Variants in IQGAP1 observed in about 807,000 individuals in gnomAD.
IQGAP1 encodes ras GTPase-activating-like protein IQGAP1.
Under a neutral mutation model 215.6 loss-of-function variants are expected in IQGAP1, and 66 were observed. The ratio of observed to expected loss-of-function variants is 0.31; its 90% CI spans 0.25 to 0.38. IQGAP1 has a LOEUF of 0.38. Among genes scored for constraint, IQGAP1 ranks in the 10% least tolerant of loss-of-function variants. The pLI is 1.00. For synonymous variants in IQGAP1, 772 were observed against 728.7 expected (o/e 1.06, Z -0.96); for missense variants, 1,712 against 1,997.1 (o/e 0.86, Z 2.72).
At chr15:90,479,661 G>A (rs1182608713) in intron 26 of IQGAP1, among the ~76,000 whole-genome samples, 4 of 151,974 alleles carry the variant, frequency 2.6e-5, no homozygotes, top group African/African-American at 7.3e-5. Flanking sequence ...CAGGAGGATA[G>A]GTTGAGCATG....
chr15:90,420,762 C>T (rs754009553), intron 2 of IQGAP1, among the ~76,000 whole-genome samples: 1 of 152,176 alleles, frequency 6.6e-6, no homozygotes, highest in African/African-American at 2.4e-5. Context: ...TTCACTGTCG[C>T]CCAGGCTGGG....
intron 15 of IQGAP1, among the ~76,000 whole-genome samples, chr15:90,461,700 C>T (rs1212057146): frequency 6.6e-6 from 1 of 151,494 alleles, no homozygotes; most frequent in Non-Finnish European, 1.5e-5. Flanking sequence ...TGGTGTACAC[C>T]CCTGTAGTCC....
At chr15:90,399,110 C>T (rs1234690461) in intron 2 of IQGAP1, among the ~76,000 whole-genome samples, 1 of 151,570 alleles carries the variant, frequency 6.6e-6, no homozygotes, top group African/African-American at 2.4e-5. Context: ...CCCACTTCAC[C>T]TCACCTAACT....
intron 2 of IQGAP1, among the ~76,000 whole-genome samples, chr15:90,405,000 A>G (rs1185104588): frequency 6.6e-6 from 1 of 152,216 alleles, no homozygotes; most frequent in Non-Finnish European, 1.5e-5. Context: ...TCTTATCTAT[A>G]CTGAGATTAT....
In IQGAP1 at chr15:90,492,601, G is replaced by C. The variant is rs1028521679; in HGVS notation, c.4518G>C (p.Leu1506=). The C allele has an allele frequency of 1.9e-6, 3 of 1,613,920 alleles. No homozygotes were observed. In the African/African-American group the frequency reaches 4.0e-5, roughly 22 times the overall value. Residue 1506 remains leucine (L), a synonymous_variant, in exon 35 of 38, where the codon CTG becomes CTC. Coordinates refer to ENST00000268182, the MANE Select transcript of IQGAP1 (RefSeq NM_003870.4). ...RQRRKAELVK[L]QQTYAALNSK... ...GGAGAAAGGCCGAACTAGTGAAACT[G>C]CAACAGACATACGCTGCTCTGAACT...
At chr15:90,456,020 C>A (rs569406157) in intron 14 of IQGAP1, 132 bp from the exon 15 acceptor site, 3 of 675,574 alleles carry the variant, frequency 4.4e-6, no homozygotes, top group Admixed American at 2.9e-5. Flanking sequence ...TGCTGCTTAA[C>A]GGATGGTAAG....
chr15:90,419,660 G>A (rs2151011085), intron 2 of IQGAP1, among the ~76,000 whole-genome samples: 1 of 152,286 alleles, frequency 6.6e-6, no homozygotes, highest in East Asian at 1.9e-4. Flanking sequence ...TATCATGAAG[G>A]TATGTTGTGG....
chr15:90,425,481 CT>C (rs919620109), intron 2 of IQGAP1, among the ~76,000 whole-genome samples: 5 of 151,912 alleles, frequency 3.3e-5, no homozygotes, highest in Admixed American at 2.6e-4. Context: ...TTCTTTTTTT[CT>C]TTGTTTTATT....
At position 90,426,167 on chromosome 15, in the gene IQGAP1, G is replaced by T; in HGVS notation, c.213G>T (p.Gly71=). 1 of 1,603,900 alleles carries T rather than the reference G, an allele frequency of 6.2e-7. No homozygotes were observed. Among genetic ancestry groups the T allele is most frequent in the Non-Finnish European group, 8.5e-7 (1 of 1,176,184 alleles). Reference sequence around the variant, plus strand: ...CTCCCACCACAGAACTGGAGGAGGGGCTTAGGAATGGGGTCTACCTTGCCA... The same window carrying T: ...CTCCCACCACAGAACTGGAGGAGGGTCTTAGGAATGGGGTCTACCTTGCCA... ...DLPPTTELEE[G]LRNGVYLAKL... Residue 71 remains glycine (G), a synonymous_variant, in exon 3 of 38, where the codon GGG becomes GGT. Coordinates refer to ENST00000268182, the MANE Select transcript of IQGAP1 (RefSeq NM_003870.4).
intron 5 of IQGAP1, 47 bp from the exon 6 acceptor site, chr15:90,439,285 C>G (rs1455859783): frequency 6.7e-7 from 1 of 1,487,928 alleles, no homozygotes; most frequent in East Asian, 2.3e-5. Flanking sequence ...AGGGTGGCAG[C>G]TAGGCACAGC....
intron 2 of IQGAP1, among the ~76,000 whole-genome samples, chr15:90,399,905 A>G (rs1269711462): frequency 6.6e-6 from 1 of 152,174 alleles, no homozygotes; most frequent in East Asian, 1.9e-4. Flanking sequence ...ATTATGGTGA[A>G]CCATATTTCA....
At chr15:90,461,067 G>A (rs1439159459) in intron 15 of IQGAP1, among the ~76,000 whole-genome samples, 2 of 151,236 alleles carry the variant, frequency 1.3e-5, no homozygotes, top group East Asian at 1.9e-4. Flanking sequence ...AGCACTTTGG[G>A]AGTCCCAGGT....
chr15:90,413,566 C>G (rs1014753767), intron 2 of IQGAP1, among the ~76,000 whole-genome samples: 1 of 152,108 alleles, frequency 6.6e-6, no homozygotes, highest in African/African-American at 2.4e-5. Context: ...AAGGGTTGCA[C>G]AGGGAGTTTC....
intron 11 of IQGAP1, among the ~76,000 whole-genome samples, chr15:90,450,465 A>G (rs1374755520): frequency 1.3e-5 from 2 of 149,646 alleles, no homozygotes; most frequent in Non-Finnish European, 2.9e-5. Context: ...TCTTTTGGCC[A>G]TATACCTAGC....
At position 90,473,737 on chromosome 15, in the gene IQGAP1, A is replaced by G; in HGVS notation, c.2372A>G (p.Gln791Arg). The G allele has an allele frequency of 6.2e-7, 1 of 1,610,890 alleles. No homozygotes were observed. The highest frequency in any genetic ancestry group is 1.3e-5 in the African/African-American group (1 of 74,188). ...CIQSQWRGYK[Q>R]KKAYQDRLAY... ...CAGTCACAGTGGAGAGGATACAAGC[A>G]GAAGAAGGCATATCAAGATCGGTTA... Residue 791 changes from glutamine (Q) to arginine (R), a missense_variant, in exon 20 of 38, where the codon CAG becomes CGG. Physicochemically the swap from Gln to Arg is conservative, Grantham distance 43. Coordinates refer to ENST00000268182, the MANE Select transcript of IQGAP1 (RefSeq NM_003870.4).
intron 2 of IQGAP1, chr15:90,393,457 TA>T (rs1177736566): frequency 6.6e-6 from 1 of 151,040 alleles, no homozygotes; most frequent in Non-Finnish European, 1.5e-5. Context: ...TATCTTTCTT[TA>T]TTTTTTTCTG....
chr15:90,401,639 T>C (rs555945007), intron 2 of IQGAP1, among the ~76,000 whole-genome samples: 1 of 152,384 alleles, frequency 6.6e-6, no homozygotes, highest in African/African-American at 2.4e-5. Flanking sequence ...AATTAGCTAT[T>C]CTTGAAGCCC....
chr15:90,498,267 T>C (rs1033296755), intron 37 of IQGAP1, among the ~76,000 whole-genome samples: 5 of 152,012 alleles, frequency 3.3e-5, no homozygotes, highest in African/African-American at 1.2e-4. Flanking sequence ...TTCGTTTCCT[T>C]CTCAATGACC....
At position 90,473,129 on chromosome 15, in the gene IQGAP1, T is replaced by C. The variant is rs897269644; in HGVS notation, c.2349+119T>C. On this transcript the variant is annotated intron_variant, in intron 19 of 37. Transcript: ENST00000268182. ...TTTGAGTGCTGGACTCTTAGTCTTC[T>C]CTTTCCTTTGACAGGTACCTCCTCT... 3 of 904,736 alleles carry C rather than the reference T, an allele frequency of 3.3e-6. No homozygotes were observed. In the African/African-American group the frequency reaches 5.0e-5, roughly 15 times the overall value. The allele number at this position is 904,736 out of a possible 1,614,324, so 56.0% of individuals were successfully genotyped here.
Sources: allele counts gnomAD v4.1 joint callset (sites outside exome capture counted in the v4.1 genomes callset), GRCh38; gene constraint gnomAD v4.1.1; transcripts MANE v1.5; gene names NCBI Gene and HGNC (gene_info 2026-07-23, HGNC 2026-07-21).